LDB3: variants seen among roughly 807,000 people sequenced by gnomAD.
LDB3 encodes LIM domain binding 3, also known as LIM domain-binding protein 3.
Under a neutral mutation model 69.0 loss-of-function variants are expected in LDB3, and 49 were observed. That is an observed-to-expected ratio of 0.71 (90% confidence interval 0.56 to 0.90). LDB3 has a LOEUF of 0.90. Among genes scored for constraint, LDB3 ranks in the 40% least tolerant of loss-of-function variants. The probability of loss-of-function intolerance (pLI) is 0.00; values close to 1 mark genes in which losing one functional copy is unlikely to be tolerated. For missense variants in LDB3, 928 were observed against 974.1 expected (o/e 0.95, Z 0.63); for synonymous variants, 387 against 396.2 (o/e 0.98, Z 0.28).
chr10:86,668,420 C>T (rs190681237), upstream of LDB3: 205 of 535,708 alleles, frequency 3.8e-4, no homozygotes, highest in East Asian at 4.6e-3. Context: ...GGCTGGGAGG[C>T]GGCAGGCTGG....
At chr10:86,685,683 A>T in intron 5 of LDB3, 1 of 1,614,140 alleles carries the variant, frequency 6.2e-7, no homozygotes, top group Non-Finnish European at 8.5e-7. Flanking sequence ...CCCAGGTGGT[A>T]GTCAACTCTC....
chr10:86,682,122 A>G (rs866088014), intron 5 of LDB3, among the ~76,000 whole-genome samples: 30 of 152,242 alleles, frequency 2.0e-4, no homozygotes, highest in Non-Finnish European at 2.9e-4. Context: ...CTGACTTCCA[A>G]CACTTTTTCA....
intron 13 of LDB3, among the ~76,000 whole-genome samples, chr10:86,730,848 G>T (rs1008866032): frequency 3.9e-5 from 6 of 152,138 alleles, no homozygotes; most frequent in African/African-American, 1.4e-4. Context: ...TGTCATCATG[G>T]GGATATAGAA....
intron 7 of LDB3, among the ~76,000 whole-genome samples, chr10:86,702,301 A>G (rs1846290635): frequency 6.6e-6 from 1 of 152,160 alleles, no homozygotes; most frequent in South Asian, 2.1e-4. Flanking sequence ...GCCCAGTGGC[A>G]ACAACCCCAA....
At chr10:86,722,484 T>C (rs1847112453) in intron 12 of LDB3, among the ~76,000 whole-genome samples, 1 of 151,054 alleles carries the variant, frequency 6.6e-6, no homozygotes, top group Non-Finnish European at 1.5e-5. Context: ...ATGGTCTCGA[T>C]CTCCTGATCT....
chr10:86,706,503 T>C, intron 7 of LDB3, 28 bp from the exon 8 acceptor site: 3 of 1,609,668 alleles, frequency 1.9e-6, no homozygotes, highest in Non-Finnish European at 2.5e-6. Flanking sequence ...TCCCTTGACC[T>C]GTTGTCTTTT....
Position 86,680,102 on chromosome 10 carries a change from T to C in LDB3, c.266T>C (p.Ile89Thr). 1 of 1,614,122 alleles carries C rather than the reference T, an allele frequency of 6.2e-7. No individual in the cohort carries two copies. Among genetic ancestry groups the C allele is most frequent in the East Asian group, 2.2e-5 (1 of 44,866 alleles). The change falls in exon 4 of 14, where the codon ATC (isoleucine) becomes ACC (threonine). Residue 89 changes from isoleucine (I) to threonine (T), a missense_variant. Ile to Thr is a moderately conservative substitution (Grantham distance 89). Transcript: ENST00000361373. ...TLQKSKRPIP[I>T]STTAPPVQTP... ...TACAGATCAAAGCGTCCCATTCCCA[T>C]CTCCACGACAGCACCTCCAGTCCAG...
chr10:86,732,030 A>G (rs1403714356), intron 13 of LDB3, among the ~76,000 whole-genome samples: 3 of 133,802 alleles, frequency 2.2e-5, no homozygotes, highest in East Asian at 2.3e-4. Flanking sequence ...TTTTTGGTAG[A>G]GACAGAGGCT....
chr10:86,688,771 T>C (rs1215522017), intron 5 of LDB3, among the ~76,000 whole-genome samples: 1 of 152,188 alleles, frequency 6.6e-6, no homozygotes, highest in Non-Finnish European at 1.5e-5. Flanking sequence ...AAAGGGAAGT[T>C]CAATGGAGAA....
chr10:86,735,845 C>T lies in LDB3; in HGVS notation c.*2869C>T, dbSNP rs1334977330. ...GCAATGGAGTGACTTATATCTGCAG[C>T]TTATATCTGCAGTGTTTGTGTTAGG... On this transcript the variant is annotated 3_prime_UTR_variant, in exon 14 of 14. Coordinates refer to ENST00000361373, the MANE Select transcript of LDB3 (RefSeq NM_007078.3). 6.6e-6 allele frequency: 1 copy of T among 150,670 alleles called. No homozygotes were observed. The highest frequency in any genetic ancestry group is 1.5e-5 in the Non-Finnish European group (1 of 67,830). 9.3% of individuals were successfully genotyped at this position (150,670 alleles called of 1,614,324 possible).
chr10:86,684,765 G>A (rs1845369684), intron 5 of LDB3, among the ~76,000 whole-genome samples: 1 of 152,228 alleles, frequency 6.6e-6, no homozygotes, highest in South Asian at 2.1e-4. Context: ...GAAGGTGGCA[G>A]AGTTTGGGGA....
chr10:86,680,139 G>C lies in LDB3; in HGVS notation c.303G>C (p.Pro101=). ...TTAPPVQTPL[P]VIPHQKDPAL... Reference sequence around the variant, plus strand: ...CACCTCCAGTCCAGACCCCTCTGCCGGTGATCCCTCACCAGAAGGTAGGTG... The same window carrying C: ...CACCTCCAGTCCAGACCCCTCTGCCCGTGATCCCTCACCAGAAGGTAGGTG... The change falls in exon 4 of 14, where the codon CCG becomes CCC. Residue 101 remains proline (P), a synonymous_variant. Transcript: ENST00000361373. 1 of 1,614,142 alleles carries C rather than the reference G, an allele frequency of 6.2e-7. No homozygotes were observed. Among genetic ancestry groups the C allele is most frequent in the Non-Finnish European group, 8.5e-7 (1 of 1,179,966 alleles).
chr10:86,675,487 G>T (rs546386377), intron 2 of LDB3, among the ~76,000 whole-genome samples: 1 of 152,202 alleles, frequency 6.6e-6, no homozygotes, highest in African/African-American at 2.4e-5. Flanking sequence ...GCCTTTCTGC[G>T]TGGGGTCTGC....
chr10:86,730,809 T>C (rs1847427524), intron 13 of LDB3, among the ~76,000 whole-genome samples: 1 of 152,216 alleles, frequency 6.6e-6, no homozygotes, highest in African/African-American at 2.4e-5. Context: ...CTCTTCTTTC[T>C]GGGATGCCTC....
intron 5 of LDB3, among the ~76,000 whole-genome samples, chr10:86,689,510 T>G (rs974507848): frequency 6.6e-6 from 1 of 152,218 alleles, no homozygotes; most frequent in Non-Finnish European, 1.5e-5. Flanking sequence ...CACAGAGTAG[T>G]GACACTCATG....
chr10:86,699,279 G>C lies in LDB3; in HGVS notation c.896+6708G>C, dbSNP rs568517409. Reference sequence around the variant, plus strand: ...TCTCTCTCTCTCTCTGTGCCACAGGGAAAGGTTTGAAACGGAACGTAACAG... The same window carrying C: ...TCTCTCTCTCTCTCTGTGCCACAGGCAAAGGTTTGAAACGGAACGTAACAG... On this transcript the variant is annotated intron_variant, in intron 7 of 13. Coordinates refer to ENST00000361373, the MANE Select transcript of LDB3 (RefSeq NM_007078.3). The surrounding 1 kb of genome is among the most constrained non-coding windows in gnomAD (Gnocchi z 4.9). The C allele has an allele frequency of 6.2e-7, 1 of 1,612,710 alleles. No individual in the cohort carries two copies. Among genetic ancestry groups the C allele is most frequent in the Non-Finnish European group, 8.5e-7 (1 of 1,179,722 alleles).
At chr10:86,711,089 C>A (rs979118483) in intron 9 of LDB3, among the ~76,000 whole-genome samples, 1 of 152,214 alleles carries the variant, frequency 6.6e-6, no homozygotes, top group African/African-American at 2.4e-5. Flanking sequence ...TGGGAAGAGG[C>A]TGCCCCTGCA....
rs535306504 is a variant in LDB3 at position 86,732,629 on chromosome 10, G to A, written c.2095-258G>A. On this transcript the variant is annotated intron_variant, in intron 13 of 13. Transcript: ENST00000361373. Reference sequence around the variant, plus strand: ...AGATTCTTCTGCCTCAACCTCCCGAGTAGCTGGGATTACAGGCACATGGCA... The same window carrying A: ...AGATTCTTCTGCCTCAACCTCCCGAATAGCTGGGATTACAGGCACATGGCA... 3.4e-5 allele frequency: 17 copies of A among 495,460 alleles called. No homozygotes were observed. In the East Asian group the frequency reaches 5.0e-4, roughly 15 times the overall value. The allele number at this position is 495,460 out of a possible 1,614,324, so 30.7% of individuals were successfully genotyped here.
At position 86,680,116 on chromosome 10, in the gene LDB3, C is replaced by G; in HGVS notation, c.280C>G (p.Pro94Ala). ...TCCCATTCCCATCTCCACGACAGCA[C>G]CTCCAGTCCAGACCCCTCTGCCGGT... ...KRPIPISTTA[P>A]PVQTPLPVIP... The change falls in exon 4 of 14, where the codon CCT becomes GCT. Residue 94 changes from proline to alanine, a missense_variant. Pro to Ala is a conservative substitution (Grantham distance 27, BLOSUM62 -1). Transcript: ENST00000361373. The G allele has an allele frequency of 6.2e-7, 1 of 1,614,236 alleles. No homozygotes were observed. The highest frequency in any genetic ancestry group is 8.5e-7 in the Non-Finnish European group (1 of 1,180,034).
Sources: gnomAD v4.1 joint callset for allele counts (sites outside exome capture counted in the v4.1 genomes callset) on GRCh38, gnomAD v4.1.1 for gene constraint, Gnocchi (gnomAD v3.1) non-coding constraint, MANE v1.5 for transcripts, NCBI Gene and HGNC (gene_info 2026-07-23, HGNC 2026-07-21) for gene names.